PCDH15: variants seen among roughly 807,000 people sequenced by gnomAD.
PCDH15 encodes protocadherin related 15.
PCDH15 carries 129 observed loss-of-function variants against 178.5 expected under a neutral mutation model. That is an observed-to-expected ratio of 0.72 (90% confidence interval 0.63 to 0.84). The LOEUF is 0.84. PCDH15 is among the 40% of genes least tolerant of loss of function. The pLI is 0.00. For synonymous variants in PCDH15, 800 were observed against 732.0 expected (o/e 1.09, Z -1.50); for missense variants, 2,230 against 2,099.9 (o/e 1.06, Z -1.21).
chr10:54,528,401 G>T, intron 2 of PCDH15: 1 of 1,575,802 alleles, frequency 6.3e-7, no homozygotes, highest in African/African-American at 1.3e-5. Flanking sequence ...CATATTGCCA[G>T]TCTGGAGTCA....
At chr10:54,919,906 C>T (rs1272662963) in intron 2 of PCDH15, among the ~76,000 whole-genome samples, 6 of 151,658 alleles carry the variant, frequency 4.0e-5, no homozygotes, top group African/African-American at 1.2e-4. Context: ...AAAAAAAAGG[C>T]TCTGTAACAT....
chr10:54,405,194 C>A (rs1484651730), intron 3 of PCDH15, among the ~76,000 whole-genome samples: 1 of 152,034 alleles, frequency 6.6e-6, no homozygotes, highest in Non-Finnish European at 1.5e-5. Flanking sequence ...CACAAAGATA[C>A]ATGCATGTAA....
intron 2 of PCDH15, among the ~76,000 whole-genome samples, chr10:55,588,504 G>C (rs893105011): frequency 6.6e-6 from 1 of 152,150 alleles, no homozygotes; most frequent in Non-Finnish European, 1.5e-5. Context: ...AGAAGACCAT[G>C]AGATGGTGTG....
intron 2 of PCDH15, among the ~76,000 whole-genome samples, chr10:54,947,728 G>A (rs889140377): frequency 6.6e-6 from 1 of 151,864 alleles, no homozygotes; most frequent in African/African-American, 2.4e-5. Flanking sequence ...TCACTATCTT[G>A]AATGGCATGA....
chr10:55,411,118 A>G (rs1838320796), intron 2 of PCDH15, among the ~76,000 whole-genome samples: 1 of 152,124 alleles, frequency 6.6e-6, no homozygotes, highest in Non-Finnish European at 1.5e-5. Flanking sequence ...TAGTGTAGCA[A>G]TTTTAGGTGG....
intron 23 of PCDH15, among the ~76,000 whole-genome samples, chr10:53,942,473 G>A (rs532514315): frequency 7.2e-5 from 11 of 152,230 alleles, no homozygotes; most frequent in Non-Finnish European, 1.0e-4. Flanking sequence ...TGATGTATAC[G>A]TCTCATGTAA....
intron 2 of PCDH15, among the ~76,000 whole-genome samples, chr10:55,539,956 G>C (rs1484466040): frequency 6.6e-6 from 1 of 151,992 alleles, no homozygotes; most frequent in African/African-American, 2.4e-5. Context: ...TAAAACAGGA[G>C]ACAGAGGCAT....
At chr10:54,297,686 G>A (rs2059888490) in intron 8 of PCDH15, among the ~76,000 whole-genome samples, 1 of 152,156 alleles carries the variant, frequency 6.6e-6, no homozygotes, top group Admixed American at 6.5e-5. Flanking sequence ...TAAGTAGGGG[G>A]AGGGGAATTT....
intron 13 of PCDH15, among the ~76,000 whole-genome samples, chr10:54,161,595 AC>A (rs2045721536): frequency 1.3e-5 from 1 of 76,692 alleles, no homozygotes; most frequent in African/African-American, 5.2e-5. Flanking sequence ...CCCCACCCCC[AC>A]CCCACCATAC....
rs1275430704 is a variant in PCDH15 at position 54,167,788 on chromosome 10, A to G, written c.1591-14495T>C. Among the ~76,000 whole-genome samples, 328 of 145,644 alleles carry G rather than the reference A, an allele frequency of 2.3e-3. 4 individuals are homozygous for G. The highest frequency in any genetic ancestry group is 8.1e-3 in the African/African-American group (301 of 37,118). ...CCCCAATCCCTTATTTCCGCACCCC[A>G]ACCTCGTATCTCTGTGCCCCAATCC... On this transcript the variant is annotated intron_variant, in intron 13 of 37. Transcript: ENST00000644397.
intron 26 of PCDH15, among the ~76,000 whole-genome samples, chr10:53,894,695 A>G (rs1431628448): frequency 6.6e-6 from 1 of 152,224 alleles, no homozygotes; most frequent in African/African-American, 2.4e-5. Flanking sequence ...GTGGTTCTCA[A>G]GTATAACAGT....
At chr10:55,614,737 T>C (rs1157784824) in intron 2 of PCDH15, among the ~76,000 whole-genome samples, 1 of 152,158 alleles carries the variant, frequency 6.6e-6, no homozygotes, top group East Asian at 1.9e-4. Context: ...AAACCATAGG[T>C]GTTTAAATGA....
At chr10:54,233,924 A>G (rs1284369729) in intron 9 of PCDH15, among the ~76,000 whole-genome samples, 1 of 152,168 alleles carries the variant, frequency 6.6e-6, no homozygotes, top group Non-Finnish European at 1.5e-5. Context: ...CAGCCCTTGG[A>G]TGACCTCGTC....
chr10:54,499,958 C>T (rs1389343817), intron 3 of PCDH15, among the ~76,000 whole-genome samples: 2 of 152,076 alleles, frequency 1.3e-5, no homozygotes, highest in Non-Finnish European at 2.9e-5. Context: ...ACACACAAAG[C>T]AACATAAATC....
chr10:54,875,198 G>A (rs867550072), intron 3 of PCDH15, among the ~76,000 whole-genome samples: 1 of 152,066 alleles, frequency 6.6e-6, no homozygotes, highest in Non-Finnish European at 1.5e-5. Context: ...ATGTGTTATG[G>A]TTATCTGTGA....
intron 15 of PCDH15, among the ~76,000 whole-genome samples, chr10:54,099,192 A>G (rs532004604): frequency 6.6e-6 from 1 of 152,084 alleles, no homozygotes; most frequent in South Asian, 2.1e-4. Flanking sequence ...AGTAGACAGA[A>G]AGTGCACCTT....
chr10:54,964,833 G>T (rs904125204), intron 2 of PCDH15, among the ~76,000 whole-genome samples: 1 of 152,086 alleles, frequency 6.6e-6, no homozygotes, highest in Non-Finnish European at 1.5e-5. Context: ...GGTGGAAAAA[G>T]GTATAACTGC....
chr10:54,102,707 G>A (rs2094834877), intron 15 of PCDH15, among the ~76,000 whole-genome samples: 1 of 152,136 alleles, frequency 6.6e-6, no homozygotes, highest in Admixed American at 6.5e-5. Flanking sequence ...CTCCAGTCAG[G>A]GAGCCAATGT....
intron 2 of PCDH15, among the ~76,000 whole-genome samples, chr10:55,365,499 G>A (rs549923751): frequency 2.7e-4 from 41 of 152,116 alleles, no homozygotes; most frequent in Non-Finnish European, 1.6e-4. Context: ...TGGCAACCTA[G>A]CTGATATGGT....
Sources: allele counts gnomAD v4.1 joint callset (sites outside exome capture counted in the v4.1 genomes callset), GRCh38; gene constraint gnomAD v4.1.1; transcripts MANE v1.5; gene names NCBI Gene and HGNC (gene_info 2026-07-23, HGNC 2026-07-21).